Variants in HSH2D observed in about 807,000 individuals in gnomAD.
HSH2D encodes the protein hematopoietic SH2 domain-containing protein.
HSH2D carries 16 observed loss-of-function variants against 21.5 expected under a neutral mutation model. The observed-to-expected ratio is 0.74, with a 90% confidence interval of 0.50 to 1.13. HSH2D has a LOEUF of 1.13. Among genes scored for constraint, HSH2D ranks in the 50% most tolerant of loss-of-function variants. The pLI is 0.00. For missense variants in HSH2D, 418 were observed against 441.4 expected (o/e 0.95, Z 0.47); for synonymous variants, 172 against 184.7 (o/e 0.93, Z 0.56).
intron 1 of HSH2D, among the ~76,000 whole-genome samples, chr19:16,137,355 C>G (rs1365993711): frequency 1.3e-5 from 2 of 152,022 alleles, no homozygotes; most frequent in African/African-American, 4.8e-5. Context: ...CGGCCGGGCG[C>G]GGTAGCTCAC....
Position 16,158,128 on chromosome 19 carries a change from G to A in HSH2D, c.*334G>A. 2 of 232,950 alleles carry A rather than the reference G, an allele frequency of 8.6e-6. No homozygotes were observed. The highest frequency in any genetic ancestry group is 1.7e-5 in the Non-Finnish European group (2 of 120,406). The allele number at this position is 232,950 out of a possible 1,614,324, so 14.4% of individuals were successfully genotyped here. On this transcript the variant is annotated 3_prime_UTR_variant, in exon 6 of 6. Coordinates refer to ENST00000613986, the MANE Select transcript of HSH2D (RefSeq NM_001382417.1). ...TTTGAAGAAGAGACTGAGGTTCAGA[G>A]AGGATAAGAGGCGTGACCAAGGCCA...
upstream of HSH2D, chr19:16,142,197 G>T (rs78222245): frequency 4.6e-5 from 7 of 152,124 alleles, no homozygotes; most frequent in Non-Finnish European, 8.8e-5. Flanking sequence ...GCTCAATTCA[G>T]TTTCAAGGCC....
upstream of HSH2D, among the ~76,000 whole-genome samples, chr19:16,138,908 G>T (rs2090981531): frequency 2.0e-5 from 3 of 151,838 alleles, no homozygotes; most frequent in South Asian, 6.3e-4. Flanking sequence ...ACCCAGGCTG[G>T]AGTGCAGTGG....
intron 1 of HSH2D, among the ~76,000 whole-genome samples, chr19:16,135,851 G>T (rs58644636): frequency 0.14 from 21,566 of 152,138 alleles, 1,792 homozygotes; most frequent in Non-Finnish European, 0.19. Context: ...CATGAGGACA[G>T]GGACTTCTGT....
chr19:16,152,504 G>C, intron 2 of HSH2D, 48 bp from the exon 3 acceptor site: 1 of 1,216,428 alleles, frequency 8.2e-7, no homozygotes, highest in Non-Finnish European at 1.1e-6. Context: ...TAACTGGTAC[G>C]TGGGGCGGCT....
chr19:16,143,120 C>T (rs552080097), upstream of HSH2D, among the ~76,000 whole-genome samples: 463 of 151,584 alleles, frequency 3.1e-3, 2 homozygotes, highest in Non-Finnish European at 5.0e-3. Context: ...AGTCTCACTC[C>T]GTTGCCCAGG....
At chr19:16,154,046 AGAAAC>A (rs2091203414) in intron 4 of HSH2D, among the ~76,000 whole-genome samples, 1 of 148,284 alleles carries the variant, frequency 6.7e-6, no homozygotes, top group Non-Finnish European at 1.5e-5. Flanking sequence ...CTAGCTCCCA[AGAAAC>A]TGCTGTGGGT....
upstream of HSH2D, among the ~76,000 whole-genome samples, chr19:16,139,546 A>G (rs2090985583): frequency 6.6e-6 from 1 of 152,308 alleles, no homozygotes; most frequent in African/African-American, 2.4e-5. Context: ...GGCACAGTGC[A>G]CTTCAGCCTG....
chr19:16,153,551 G>A (rs1193894341), intron 4 of HSH2D, among the ~76,000 whole-genome samples: 1 of 150,752 alleles, frequency 6.6e-6, no homozygotes, highest in Non-Finnish European at 1.5e-5. Flanking sequence ...AGAAGGCTCA[G>A]TGGGTGTGGC....
At chr19:16,151,718 G>C (rs966435954) in intron 2 of HSH2D, 2 of 351,728 alleles carry the variant, frequency 5.7e-6, no homozygotes, top group Non-Finnish European at 1.2e-5. Context: ...CTAGCTCCTC[G>C]GGGGGAACAT....
chr19:16,143,154 T>C (rs150889466), upstream of HSH2D, among the ~76,000 whole-genome samples: 3 of 151,110 alleles, frequency 2.0e-5, no homozygotes, highest in African/African-American at 7.3e-5. Flanking sequence ...GTGCGATCTC[T>C]GCTCACTGCA....
intron 3 of HSH2D, 112 bp downstream of exon 3, chr19:16,152,753 C>A: frequency 1.2e-6 from 1 of 856,396 alleles, no homozygotes; most frequent in Non-Finnish European, 1.9e-6. Flanking sequence ...GTAACTGAGG[C>A]TGTGGATCTG....
chr19:16,153,779 T>C (rs1366474409), intron 4 of HSH2D, among the ~76,000 whole-genome samples: 1 of 151,614 alleles, frequency 6.6e-6, no homozygotes, highest in Non-Finnish European at 1.5e-5. Context: ...GAAGGCCCAG[T>C]GGGCGTGGCC....
At position 16,151,572 on chromosome 19, in the gene HSH2D, C is replaced by T. The variant is rs8101434; in HGVS notation, c.126-980C>T. 9.2e-3 allele frequency: 4,174 copies of T among 455,706 alleles called. 141 individuals are homozygous for T. Among genetic ancestry groups the T allele is most frequent in the African/African-American group, 0.075 (3,765 of 49,984 alleles). 28.2% of individuals were successfully genotyped at this position (455,706 alleles called of 1,614,324 possible). ...GGTTATGAACTCGAATGCATCTGAG[C>T]ATACAGGTCCTTCTTTGTTACTTGT... is the stretch of plus-strand genomic sequence containing the variant. On this transcript the variant is annotated intron_variant, in intron 2 of 5. Transcript: ENST00000613986.
chr19:16,139,389 G>A (rs2090984463), upstream of HSH2D, among the ~76,000 whole-genome samples: 2 of 152,164 alleles, frequency 1.3e-5, no homozygotes, highest in Admixed American at 6.6e-5. Context: ...AGACCATCCT[G>A]GGCAACACAG....
At chr19:16,151,785 A>C (rs2091154721) in intron 2 of HSH2D, among the ~76,000 whole-genome samples, 1 of 148,894 alleles carries the variant, frequency 6.7e-6, no homozygotes, top group Non-Finnish European at 1.5e-5. Context: ...AAAAAAAAAA[A>C]AAAAGATGGG....
Position 16,157,847 on chromosome 19 carries a change from T to G in HSH2D, c.*53T>G. ...TCGCTGCCAGGGGCTGCCACACTCC[T>G]GAATGCCTTAACATTTCTTCCATGG... On this transcript the variant is annotated 3_prime_UTR_variant, in exon 6 of 6. Transcript: ENST00000613986. This position sits in a 1 kb window ranked among gnomAD's most constrained non-coding sequence, Gnocchi z 4.4. The G allele has an allele frequency of 8.4e-6, 11 of 1,307,850 alleles. 1 individual carries two copies. Among genetic ancestry groups the G allele is most frequent in the Non-Finnish European group, 1.1e-5 (11 of 965,320 alleles). 81.0% of individuals were successfully genotyped at this position (1,307,850 alleles called of 1,614,324 possible).
intron 5 of HSH2D, 160 bp downstream of exon 5, chr19:16,154,651 T>C: frequency 1.9e-6 from 1 of 533,236 alleles, no homozygotes; most frequent in Non-Finnish European, 3.4e-6. Context: ...GAGATTAAAA[T>C]TCAAACTACA....
At chr19:16,154,166 C>A (rs2091206447) in intron 4 of HSH2D, among the ~76,000 whole-genome samples, 1 of 152,068 alleles carries the variant, frequency 6.6e-6, no homozygotes, top group Admixed American at 6.6e-5. Context: ...TGGCCTAGCT[C>A]CCAAGAACGT....
Sources: gnomAD v4.1 joint callset for allele counts (sites outside exome capture counted in the v4.1 genomes callset) on GRCh38, gnomAD v4.1.1 for gene constraint, Gnocchi (gnomAD v3.1) non-coding constraint, MANE v1.5 for transcripts, NCBI Gene and HGNC (gene_info 2026-07-23, HGNC 2026-07-21) for gene names.